The following SHISA9 variants were observed in gnomAD, a reference collection of about 807,000 sequenced individuals.
SHISA9 encodes shisa family member 9, also known as protein shisa-9.
Under a neutral mutation model 38.0 loss-of-function variants are expected in SHISA9, and 13 were observed. The observed-to-expected ratio is 0.34, with a 90% CI of 0.22 to 0.54. The LOEUF is 0.54. Among genes scored for constraint, SHISA9 ranks in the 20% least tolerant of loss-of-function variants. SHISA9 has a pLI of 0.91. For synonymous variants in SHISA9, 275 were observed against 242.0 expected (o/e 1.14, Z -1.27); for missense variants, 538 against 575.8 (o/e 0.93, Z 0.67).
Position 12,945,792 on chromosome 16 carries a change from C to G in SHISA9, c.691+28977C>G, listed in dbSNP as rs2071681528. Among the ~76,000 whole-genome samples the G allele has an allele frequency of 2.6e-5, 4 of 152,212 alleles. No homozygotes were observed. In the South Asian group the frequency reaches 8.3e-4, roughly 32 times the overall value. ...TTAAATGTGGTATATACATACACAT[C>G]TCCTTTTAAGAATGAGAATATGGCC... On this transcript the variant is annotated intron_variant, in intron 2 of 4. Coordinates refer to ENST00000558583, the MANE Select transcript of SHISA9 (RefSeq NM_001145204.3).
At chr16:13,471,636 CATGAAAG>C in the SHISA9 span, among the ~76,000 whole-genome samples, 33 of 152,170 alleles carry the variant, frequency 2.2e-4, no homozygotes, top group East Asian at 6.2e-3. Flanking sequence ...CCTGAGCAAA[CATGAAAG>C]AGAATGCCCC....
At chr16:13,489,988 C>T in the SHISA9 span, among the ~76,000 whole-genome samples, 1 of 152,018 alleles carries the variant, frequency 6.6e-6, no homozygotes, top group African/African-American at 2.4e-5. Context: ...CATGGGATAC[C>T]AGGGGTCTGG....
At chr16:13,015,611 CAA>C (rs1455539958) in intron 2 of SHISA9, among the ~76,000 whole-genome samples, 2 of 152,120 alleles carry the variant, frequency 1.3e-5, no homozygotes, top group African/African-American at 4.8e-5. Flanking sequence ...ACTGGGACTG[CAA>C]AGTCAATGCT....
chr16:13,207,223 C>T (rs2051073829), intron 3 of SHISA9, among the ~76,000 whole-genome samples: 1 of 152,128 alleles, frequency 6.6e-6, no homozygotes, highest in South Asian at 2.1e-4. Flanking sequence ...GAGATGGTGC[C>T]ACTGCACTCC....
intron 2 of SHISA9, among the ~76,000 whole-genome samples, chr16:13,193,070 G>A (rs1243969405): frequency 2.0e-5 from 3 of 152,214 alleles, no homozygotes; most frequent in Non-Finnish European, 4.4e-5. Flanking sequence ...CAAGACAGAA[G>A]GAAGTTTCTG....
At chr16:13,185,253 G>C (rs2050810421) in intron 2 of SHISA9, among the ~76,000 whole-genome samples, 1 of 152,164 alleles carries the variant, frequency 6.6e-6, no homozygotes, top group Non-Finnish European at 1.5e-5. Context: ...CCAGGCTAGA[G>C]AGCAGTGGCA....
rs1177855155 is a variant in SHISA9, at chr16:13,020,007, CCT to C, written c.691+103193_691+103194del. Among the ~76,000 whole-genome samples, 115 of 133,924 alleles carry C rather than the reference CCT, an allele frequency of 8.6e-4. 2 individuals are homozygous for C. Among genetic ancestry groups the C allele is most frequent in the African/African-American group, 2.9e-3 (104 of 35,440 alleles). 87.9% of individuals were successfully genotyped at this position (133,924 alleles called of 152,430 possible). ...TCCTTCCTTCCTTCCTTCCTTCCTTCCTTCCCTCCTTCCTTCCTTCTCTTTCT... is the reference window on the plus strand; with the variant it reads ...TCCTTCCTTCCTTCCTTCCTTCCTTCTCCCTCCTTCCTTCCTTCTCTTTCT... On this transcript the variant is annotated intron_variant, in intron 2 of 4. Transcript: ENST00000558583.
Position 12,902,054 on chromosome 16 carries a change from T to A in SHISA9, c.-11T>A. 1 of 1,475,992 alleles carries A rather than the reference T, an allele frequency of 6.8e-7. No individual in the cohort carries two copies. Among genetic ancestry groups the A allele is most frequent in the Non-Finnish European group, 8.9e-7 (1 of 1,121,796 alleles). 91.4% of individuals were successfully genotyped at this position (1,475,992 alleles called of 1,614,324 possible). ...GGCGGCCGAGCGGCCGAGCCCGGGC[T>A]GGGAGACACCATGCGCCGCGTCCTT... On this transcript the variant is annotated 5_prime_UTR_variant, in exon 1 of 5. Transcript: ENST00000558583.
the SHISA9 span, among the ~76,000 whole-genome samples, chr16:13,280,803 T>C: frequency 4.6e-5 from 7 of 151,640 alleles, no homozygotes; most frequent in Non-Finnish European, 1.0e-4. Flanking sequence ...ATAAAGCTCT[T>C]AGAAGAAACC....
At chr16:13,283,507 T>C in the SHISA9 span, among the ~76,000 whole-genome samples, 2 of 152,036 alleles carry the variant, frequency 1.3e-5, no homozygotes, top group African/African-American at 4.8e-5. Flanking sequence ...ACATCTTACA[T>C]GGTGGCAGGG....
intron 2 of SHISA9, among the ~76,000 whole-genome samples, chr16:13,093,094 G>C (rs1311190625): frequency 1.3e-5 from 2 of 152,076 alleles, no homozygotes; most frequent in Non-Finnish European, 2.9e-5. Flanking sequence ...GAAGTTTCCC[G>C]GGGGCATAGA....
At chr16:12,943,894 A>T (rs1168507839) in intron 2 of SHISA9, among the ~76,000 whole-genome samples, 1 of 152,204 alleles carries the variant, frequency 6.6e-6, no homozygotes, top group Admixed American at 6.5e-5. Flanking sequence ...GTTTATTGTC[A>T]TTCTGCCTTT....
At chr16:12,980,128 C>A (rs557688687) in intron 2 of SHISA9, among the ~76,000 whole-genome samples, 1 of 152,070 alleles carries the variant, frequency 6.6e-6, no homozygotes, top group Admixed American at 6.6e-5. Flanking sequence ...TTTTTATGAT[C>A]TTTTAAAAAT....
At chr16:12,933,393 C>T (rs2071487006) in intron 2 of SHISA9, among the ~76,000 whole-genome samples, 2 of 151,956 alleles carry the variant, frequency 1.3e-5, no homozygotes, top group African/African-American at 4.8e-5. Flanking sequence ...CTCCTGGTTT[C>T]AAGCAATTCT....
At chr16:13,121,387 G>T (rs2050209313) in intron 2 of SHISA9, among the ~76,000 whole-genome samples, 1 of 152,006 alleles carries the variant, frequency 6.6e-6, no homozygotes, top group Non-Finnish European at 1.5e-5. Flanking sequence ...AGCTACTTGG[G>T]AGATTGAGGC....
the SHISA9 span, among the ~76,000 whole-genome samples, chr16:13,343,402 A>G: frequency 6.6e-6 from 1 of 152,140 alleles, no homozygotes; most frequent in Non-Finnish European, 1.5e-5. Context: ...AGTACCACAA[A>G]TAAAATGCTA....
intron 2 of SHISA9, among the ~76,000 whole-genome samples, chr16:13,182,629 C>G (rs962802422): frequency 2.6e-5 from 4 of 152,290 alleles, no homozygotes; most frequent in Admixed American, 2.6e-4. Flanking sequence ...TTCAGATATA[C>G]AAACTAAGAT....
intron 2 of SHISA9, among the ~76,000 whole-genome samples, chr16:13,154,832 G>A (rs1439680310): frequency 1.3e-5 from 2 of 152,176 alleles, no homozygotes; most frequent in African/African-American, 2.4e-5. Context: ...ATTTTTCTGA[G>A]CTTTTGAAAG....
At chr16:12,940,808 C>T (rs2071600759) in intron 2 of SHISA9, among the ~76,000 whole-genome samples, 1 of 152,088 alleles carries the variant, frequency 6.6e-6, no homozygotes, top group African/African-American at 2.4e-5. Flanking sequence ...CTCCTCCTTC[C>T]TCTCTTAAAA....
Sources: allele counts gnomAD v4.1 joint callset (sites outside exome capture counted in the v4.1 genomes callset), GRCh38; gene constraint gnomAD v4.1.1; transcripts MANE v1.5; gene names NCBI Gene and HGNC (gene_info 2026-07-23, HGNC 2026-07-21).